The following SETBP1 variants were observed in gnomAD, a reference collection of about 807,000 sequenced individuals.
SETBP1 encodes the protein SET-binding protein.
In SETBP1, 9 loss-of-function variants were observed where a neutral mutation model predicts 101.0. The ratio of observed to expected loss-of-function variants is 0.09; its 90% CI spans 0.05 to 0.16. The LOEUF is 0.16. SETBP1 is among the 10% of genes least tolerant of loss of function. The probability of loss-of-function intolerance (pLI) is 1.00; values close to 1 mark genes in which losing one functional copy is unlikely to be tolerated. For synonymous variants in SETBP1, 818 were observed against 788.5 expected (o/e 1.04, Z -0.63); for missense variants, 1,858 against 2,033.8 (o/e 0.91, Z 1.66).
chr18:44,750,166 A>G (rs2070349158), intron 2 of SETBP1, among the ~76,000 whole-genome samples: 3 of 152,216 alleles, frequency 2.0e-5, no homozygotes, highest in Admixed American at 2.0e-4. Context: ...TTGGGCTGCT[A>G]TAACAAAATA....
chr18:44,953,238 A>G lies in SETBP1; in HGVS notation c.3898A>G (p.Arg1300Gly). Reference protein sequence around the residue: ...KWDSDVSGSKRRSYEGFGTYR... With the variant: ...KWDSDVSGSKGRSYEGFGTYR... Reference sequence around the variant, plus strand: ...GGACAGTGACGTGAGTGGGAGTAAAAGGAGGAGCTATGAAGGCTTTGGAAC... The same window carrying G: ...GGACAGTGACGTGAGTGGGAGTAAAGGGAGGAGCTATGAAGGCTTTGGAAC... Residue 1300 changes from arginine to glycine, a missense_variant, in exon 4 of 6, where the codon AGG becomes GGG. Transcript: ENST00000649279. 6.2e-7 allele frequency: 1 copy of G among 1,614,144 alleles called. No individual in the cohort carries two copies. Among genetic ancestry groups the G allele is most frequent in the East Asian group, 2.2e-5 (1 of 44,876 alleles).
intron 3 of SETBP1, chr18:44,876,739 G>A (rs1238948093): frequency 1.3e-6 from 2 of 1,534,762 alleles, no homozygotes; most frequent in South Asian, 1.2e-5. Flanking sequence ...TGCAGTCTGG[G>A]CACAAGAAGT....
intron 3 of SETBP1, among the ~76,000 whole-genome samples, chr18:44,874,540 C>G (rs543034012): frequency 1.3e-5 from 2 of 152,226 alleles, no homozygotes; most frequent in East Asian, 3.9e-4. Context: ...GTGGGGGTAT[C>G]ACAGAGGAGA....
intron 3 of SETBP1, among the ~76,000 whole-genome samples, chr18:44,925,604 A>G (rs2070689176): frequency 6.6e-6 from 1 of 152,194 alleles, no homozygotes; most frequent in Non-Finnish European, 1.5e-5. Flanking sequence ...GAAAGTCTGT[A>G]GAAATAATAT....
At chr18:44,881,428 A>T (rs942774736) in intron 3 of SETBP1, among the ~76,000 whole-genome samples, 14 of 152,212 alleles carry the variant, frequency 9.2e-5, no homozygotes, top group Non-Finnish European at 8.8e-5. Flanking sequence ...CATTCTTGAT[A>T]AACTCCAGCA....
At chr18:44,983,207 C>G (rs1288641627) in intron 4 of SETBP1, among the ~76,000 whole-genome samples, 1 of 152,078 alleles carries the variant, frequency 6.6e-6, no homozygotes, top group African/African-American at 2.4e-5. Flanking sequence ...GGAGGCATTT[C>G]TTCAAGCAGA....
chr18:44,798,858 A>C (rs983219923), intron 2 of SETBP1, among the ~76,000 whole-genome samples: 2 of 152,216 alleles, frequency 1.3e-5, no homozygotes, highest in Non-Finnish European at 2.9e-5. Context: ...CTGAACAAAC[A>C]TTATGTAGAG....
chr18:44,816,993 T>G (rs1422072956), intron 2 of SETBP1, among the ~76,000 whole-genome samples: 1 of 152,130 alleles, frequency 6.6e-6, no homozygotes, highest in Non-Finnish European at 1.5e-5. Flanking sequence ...ATGATAATAT[T>G]GCCCCTTAGG....
intron 4 of SETBP1, chr18:44,987,058 A>G (rs1266265546): frequency 6.6e-6 from 1 of 152,200 alleles, no homozygotes; most frequent in African/African-American, 2.4e-5. Context: ...GCAGTGCAAC[A>G]AATCTGTTTA....
rs1382075763 is a variant in SETBP1, at chr18:44,951,681, A to G, written c.2341A>G (p.Thr781Ala). 6.2e-7 allele frequency: 1 copy of G among 1,613,990 alleles called. No homozygotes were observed. Among genetic ancestry groups the G allele is most frequent in the African/African-American group, 1.3e-5 (1 of 74,896 alleles). The change falls in exon 4 of 6, where the codon ACA (threonine) becomes GCA (alanine). Residue 781 changes from threonine to alanine, a missense_variant. Physicochemically the swap from Thr to Ala is moderately conservative, Grantham distance 58 (BLOSUM62 0). This residue lies in a region of SETBP1 where 121 missense variants were observed against 138.0 expected (regional missense o/e 0.88). Coordinates refer to ENST00000649279, the MANE Select transcript of SETBP1 (RefSeq NM_015559.3). The surrounding 1 kb of genome is among the most constrained non-coding windows in gnomAD (Gnocchi z 7.8). ...SSPAAMHPLS[T>A]QLGGSNGNLS... ...ACCAGCAGCTATGCACCCACTTTCA[A>G]CACAGTTAGGTGGGTCCAATGGCAA...
At chr18:44,838,042 G>A (rs771417282) in intron 2 of SETBP1, among the ~76,000 whole-genome samples, 3 of 152,082 alleles carry the variant, frequency 2.0e-5, no homozygotes, top group African/African-American at 7.2e-5. Context: ...ATGCTTGGTG[G>A]AGTCTCCCTC....
rs557133752 is a variant in SETBP1, at chr18:44,802,406, C to T, written c.487-66824C>T. Among the ~76,000 whole-genome samples, 48 of 152,222 alleles carry T rather than the reference C, an allele frequency of 3.2e-4. No homozygotes were observed. In the South Asian group the frequency reaches 5.4e-3, roughly 17 times the overall value. On this transcript the variant is annotated intron_variant, in intron 2 of 5. Transcript: ENST00000649279. ...CACAGGATTGGGGACTTTAGCTTTG[C>T]GAAAGTGTCTGACTATATACAACCA... is the stretch of plus-strand genomic sequence containing the variant.
chr18:44,771,041 A>C (rs2070860728), intron 2 of SETBP1, among the ~76,000 whole-genome samples: 1 of 151,988 alleles, frequency 6.6e-6, no homozygotes, highest in Non-Finnish European at 1.5e-5. Context: ...CAGGGAGGCC[A>C]ATACCATGAT....
At chr18:44,932,555 C>T (rs1255334659) in intron 3 of SETBP1, among the ~76,000 whole-genome samples, 1 of 152,198 alleles carries the variant, frequency 6.6e-6, no homozygotes, top group Non-Finnish European at 1.5e-5. Flanking sequence ...GTTCCATTCT[C>T]CCCATCACTT....
intron 2 of SETBP1, among the ~76,000 whole-genome samples, chr18:44,805,242 A>G (rs1283695175): frequency 6.6e-6 from 1 of 152,148 alleles, no homozygotes; most frequent in African/African-American, 2.4e-5. Context: ...CAAGTAATTA[A>G]ATAATAAAAT....
intron 3 of SETBP1, among the ~76,000 whole-genome samples, chr18:44,901,814 C>G (rs2070052649): frequency 6.6e-6 from 1 of 152,206 alleles, no homozygotes; most frequent in African/African-American, 2.4e-5. Flanking sequence ...CAGGGACAAG[C>G]ATTCTTAGAA....
chr18:44,796,262 C>T (rs1054556065), intron 2 of SETBP1, among the ~76,000 whole-genome samples: 1 of 152,160 alleles, frequency 6.6e-6, no homozygotes, highest in African/African-American at 2.4e-5. Context: ...GATTATGATT[C>T]CTTCCAGAGT....
rs1203934203 is a variant in SETBP1 at position 45,068,203 on chromosome 18, G to A, written c.*4505G>A. ...TGTATTTTATTGAATATAGAGGCAA[G>A]AAAATTGTACATTGTTTGAAATGTT... On this transcript the variant is annotated 3_prime_UTR_variant, in exon 6 of 6. Transcript: ENST00000649279. 1 of 152,146 alleles carries A rather than the reference G, an allele frequency of 6.6e-6. No homozygotes were observed. The highest frequency in any genetic ancestry group is 2.4e-5 in the African/African-American group (1 of 41,436). The allele number at this position is 152,146 out of a possible 1,614,324, so 9.4% of individuals were successfully genotyped here.
At chr18:45,046,913 A>G (rs1054714164) in intron 5 of SETBP1, among the ~76,000 whole-genome samples, 1 of 152,230 alleles carries the variant, frequency 6.6e-6, no homozygotes, top group South Asian at 2.1e-4. Context: ...TAGATACTCA[A>G]TAGACATGCC....
Sources: allele counts gnomAD v4.1 joint callset (sites outside exome capture counted in the v4.1 genomes callset), GRCh38; gene constraint gnomAD v4.1.1; regional missense constraint gnomAD v4.1.1; non-coding constraint Gnocchi (gnomAD v3.1); transcripts MANE v1.5; gene names NCBI Gene and HGNC (gene_info 2026-07-23, HGNC 2026-07-21).